The following NRK variants were observed in gnomAD, a reference collection of about 807,000 sequenced individuals.
NRK encodes the protein Nik related kinase.
A neutral mutation model predicts 125.2 loss-of-function variants in NRK; 67 were observed. The ratio of observed to expected loss-of-function variants is 0.54; its 90% CI spans 0.44 to 0.66. The LOEUF is 0.66. Ranked by LOEUF, NRK falls within the 30% of genes least tolerant of loss-of-function variation. The probability of loss-of-function intolerance (pLI) is 0.00; values close to 1 mark genes in which losing one functional copy is unlikely to be tolerated. For missense variants in NRK, 1,224 were observed against 1,192.9 expected (o/e 1.03, Z -0.38); for synonymous variants, 458 against 429.0 (o/e 1.07, Z -0.84).
intron 4 of NRK, among the ~76,000 whole-genome samples, chrX:105,886,479 G>T (rs1221041869): frequency 2.0e-5 from 2 of 99,838 alleles, no homozygotes; most frequent in East Asian, 3.0e-4. Context: ...ATAATATATT[G>T]ATAATTATAT....
intron 2 of NRK, among the ~76,000 whole-genome samples, chrX:105,835,290 G>A (rs935722375): frequency 9.0e-6 from 1 of 111,023 alleles, no homozygotes; most frequent in Non-Finnish European, 1.9e-5. Flanking sequence ...GCATATGTGG[G>A]GGTTGGTCTT....
chrX:105,826,278 AT>A (rs1251381433), intron 1 of NRK, among the ~76,000 whole-genome samples: 1 of 67,208 alleles, frequency 1.5e-5, no homozygotes, highest in Non-Finnish European at 2.4e-5. Flanking sequence ...TATAATATAT[AT>A]GAAATATATA....
At chrX:105,852,381 A>G (rs991710271) in intron 2 of NRK, among the ~76,000 whole-genome samples, 1 of 111,762 alleles carries the variant, frequency 8.9e-6, no homozygotes, top group Non-Finnish European at 1.9e-5. Context: ...TTGGGACATT[A>G]GCAACCACGA....
At chrX:105,940,512 T>G (rs966044100) in intron 23 of NRK, among the ~76,000 whole-genome samples, 2 of 111,148 alleles carry the variant, frequency 1.8e-5, no homozygotes, top group African/African-American at 6.5e-5. Context: ...TCCAGGAAAC[T>G]TAATGATGAG....
intron 2 of NRK, among the ~76,000 whole-genome samples, chrX:105,848,927 T>G (rs1195262106): frequency 2.7e-5 from 3 of 112,006 alleles, no homozygotes; most frequent in Non-Finnish European, 5.6e-5. Flanking sequence ...TATGTAAAAT[T>G]TTGATAATTT....
At chrX:105,852,201 C>T (rs1378598984) in intron 2 of NRK, among the ~76,000 whole-genome samples, 2 of 111,319 alleles carry the variant, frequency 1.8e-5, no homozygotes, top group African/African-American at 6.5e-5. Flanking sequence ...ATTATCAGAA[C>T]CTTTCAATAT....
intron 2 of NRK, among the ~76,000 whole-genome samples, chrX:105,837,393 T>A (rs2039279929): frequency 2.7e-5 from 3 of 111,613 alleles, no homozygotes; most frequent in African/African-American, 9.8e-5. Flanking sequence ...TTTTCAGTGC[T>A]GCCAACCACA....
rs1019084191 is a variant in NRK at position 105,951,217 on chromosome X, G to A, written c.4513+1483G>A. Among the ~76,000 whole-genome samples the A allele has an allele frequency of 4.5e-5, 5 of 110,769 alleles. No individual in the cohort carries two copies. The East Asian group carries it at 8.5e-4, about 19-fold the overall frequency. ...CCTTTACAGTGGTACTTTTGTGATCGATATGCTAATCAGAAATGGTTATAA... is the reference window on the plus strand; with the variant it reads ...CCTTTACAGTGGTACTTTTGTGATCAATATGCTAATCAGAAATGGTTATAA... On this transcript the variant is annotated intron_variant, in intron 27 of 28. Transcript: ENST00000243300.
At position 105,822,839 on chromosome X, in the gene NRK, C is replaced by T; in HGVS notation, c.-7C>T. 1 of 1,170,204 alleles carries T rather than the reference C, an allele frequency of 8.5e-7. No individual in the cohort carries two copies. Among genetic ancestry groups the T allele is most frequent in the Non-Finnish European group, 1.1e-6 (1 of 873,534 alleles). On this transcript the variant is annotated 5_prime_UTR_variant, in exon 1 of 29. Coordinates refer to ENST00000243300, the MANE Select transcript of NRK (RefSeq NM_198465.4). ...AGTCGCCCGCTCCCGTTCGGCTCCT[C>T]GAAGCCATGGCGGGACCTGGGGGCT...
rs777303025 is a variant in NRK at position 105,942,237 on chromosome X, G to A, written c.3959-1704G>A. Among the ~76,000 whole-genome samples the A allele has an allele frequency of 3.2e-4, 36 of 111,718 alleles. 2 individuals are homozygous for A. The highest frequency in any genetic ancestry group is 2.3e-3 in the East Asian group (8 of 3,527). ...CCACTTTTTGGCTATTAAAAATAAT[G>A]CTACTACAAACATTTCATACATCTT... On this transcript the variant is annotated intron_variant, in intron 23 of 28. Coordinates refer to ENST00000243300, the MANE Select transcript of NRK (RefSeq NM_198465.4).
At chrX:105,847,263 G>A (rs1415115982) in intron 2 of NRK, among the ~76,000 whole-genome samples, 1 of 111,988 alleles carries the variant, frequency 8.9e-6, no homozygotes, top group Non-Finnish European at 1.9e-5. Context: ...CCTCCAGTCT[G>A]TGTCAAAGAG....
Position 105,822,612 on chromosome X carries a change from C to T in NRK, c.-234C>T. On this transcript the variant is annotated 5_prime_UTR_variant, in exon 1 of 29. Coordinates refer to ENST00000243300, the MANE Select transcript of NRK (RefSeq NM_198465.4). ...AGGACTGACGCTCAGGCTCCTCTCT[C>T]GCCTTAGCCCAACTTGCTTTCCCGC... 2 of 444,088 alleles carry T rather than the reference C, an allele frequency of 4.5e-6. No individual in the cohort carries two copies. Among genetic ancestry groups the T allele is most frequent in the Middle Eastern group, 4.5e-4 (1 of 2,240 alleles). 36.6% of individuals were successfully genotyped at this position (444,088 alleles called of 1,213,427 possible). A position where few individuals can be genotyped will look rare whatever the true frequency, so the allele number is the denominator to read the frequency against.
chrX:105,908,240 G>C lies in NRK; in HGVS notation c.1022G>C (p.Gly341Ala), dbSNP rs769380036. Reference sequence around the variant, plus strand: ...ATGTTTTTCTCTTTTGTAAAAAAAGGAATACCTTTGATCTTTGAAAGAGAA... The same window carrying C: ...ATGTTTTTCTCTTTTGTAAAAAAAGCAATACCTTTGATCTTTGAAAGAGAA... ...TGIIKKRQKK[G>A]IPLIFEREEA... The change falls in exon 12 of 29, where the codon GGA becomes GCA. Residue 341 changes from glycine to alanine, a missense_variant and splice_region_variant. Physicochemically the swap from Gly to Ala is moderately conservative, Grantham distance 60. Coordinates refer to ENST00000243300, the MANE Select transcript of NRK (RefSeq NM_198465.4). 1 of 1,075,300 alleles carries C rather than the reference G, an allele frequency of 9.3e-7. No homozygotes were observed. Among genetic ancestry groups the C allele is most frequent in the South Asian group, 2.1e-5 (1 of 46,793 alleles). The allele number at this position is 1,075,300 out of a possible 1,213,427, so 88.6% of individuals were successfully genotyped here. A position where few individuals can be genotyped will look rare whatever the true frequency, so the allele number is the denominator to read the frequency against.
intron 2 of NRK, among the ~76,000 whole-genome samples, chrX:105,835,746 A>G (rs922530170): frequency 9.1e-6 from 1 of 109,872 alleles, no homozygotes; most frequent in Non-Finnish European, 1.9e-5. Flanking sequence ...AAAGGAAAGG[A>G]ACTGGACCTG....
chrX:105,891,734 T>C (rs1462513469), intron 5 of NRK, among the ~76,000 whole-genome samples: 1 of 111,472 alleles, frequency 9.0e-6, no homozygotes, highest in Non-Finnish European at 1.9e-5. Flanking sequence ...TAAGTTCATA[T>C]GTGATGCTGC....
intron 19 of NRK, among the ~76,000 whole-genome samples, chrX:105,926,778 C>T (rs1240274872): frequency 9.0e-6 from 1 of 110,684 alleles, no homozygotes; most frequent in East Asian, 2.8e-4. Context: ...ATTCTTGATG[C>T]CTTTATCAAA....
At chrX:105,906,662 G>A in intron 11 of NRK, 73 bp downstream of exon 11, 1 of 572,254 alleles carries the variant, frequency 1.7e-6, no homozygotes, top group East Asian at 3.9e-5. Context: ...CCAGGAAAAA[G>A]TAATATTTGT....
At chrX:105,881,074 T>C (rs1275765208) in intron 3 of NRK, among the ~76,000 whole-genome samples, 2 of 111,402 alleles carry the variant, frequency 1.8e-5, no homozygotes, top group Non-Finnish European at 3.8e-5. Flanking sequence ...CATGTGTACC[T>C]ATGTAACAAA....
rs2147745509 is a variant in NRK at position 105,908,316 on chromosome X, A to G, written c.1085+13A>G. The stretch of plus-strand genomic sequence containing the variant: ...TGAGAAGATTCAGGTGCGTTCCACA[A>G]ATTGCATATATAATTTGATGATAGC... On this transcript the variant is annotated intron_variant, in intron 12 of 28. Coordinates refer to ENST00000243300, the MANE Select transcript of NRK (RefSeq NM_198465.4). 4 of 904,177 alleles carry G rather than the reference A, an allele frequency of 4.4e-6. No individual in the cohort carries two copies. Among genetic ancestry groups the G allele is most frequent in the Non-Finnish European group, 6.1e-6 (4 of 656,131 alleles). The allele number at this position is 904,177 out of a possible 1,213,427, so 74.5% of individuals were successfully genotyped here. A position where few individuals can be genotyped will look rare whatever the true frequency, so the allele number is the denominator to read the frequency against.
Sources: allele counts gnomAD v4.1 joint callset (sites outside exome capture counted in the v4.1 genomes callset), GRCh38; gene constraint gnomAD v4.1.1; transcripts MANE v1.5; gene names NCBI Gene and HGNC (gene_info 2026-07-23, HGNC 2026-07-21).